Variants in TDRD12 observed in about 807,000 individuals in gnomAD.
TDRD12 encodes the protein putative ATP-dependent RNA helicase TDRD12.
TDRD12 carries 158 observed loss-of-function variants against 133.5 expected under a neutral mutation model. That is an observed-to-expected ratio of 1.18 (90% CI 1.04 to 1.35). The LOEUF (loss-of-function observed/expected upper bound fraction) is 1.35. TDRD12 is among the 40% of genes most tolerant of loss of function. The pLI is 0.00. For missense variants in TDRD12, 1,443 were observed against 1,321.3 expected, an observed-to-expected ratio of 1.09 and a Z score of -1.43; for synonymous variants, 460 against 477.9, an observed-to-expected ratio of 0.96 and a Z score of 0.49.
intron 16 of TDRD12, among the ~76,000 whole-genome samples, chr19:32,798,732 G>T (rs1192915598): frequency 2.0e-5 from 3 of 152,158 alleles, no homozygotes; most frequent in Non-Finnish European, 4.4e-5. Context: ...ATGGAGAAGA[G>T]CACTTGAAAA....
chr19:32,746,250 C>CTG (rs991083977), intron 4 of TDRD12, among the ~76,000 whole-genome samples: 2 of 119,870 alleles, frequency 1.7e-5, no homozygotes, highest in East Asian at 2.6e-4. Flanking sequence ...TGTGGTTATT[C>CTG]TGTGTGTGTG....
chr19:32,740,857 G>GT (rs1157885133), intron 3 of TDRD12, among the ~76,000 whole-genome samples: 1 of 152,214 alleles, frequency 6.6e-6, no homozygotes, highest in Non-Finnish European at 1.5e-5. Flanking sequence ...AGAATGAGCT[G>GT]TTGCCAAGAT....
chr19:32,820,483 T>A (rs569594388), intron 27 of TDRD12, among the ~76,000 whole-genome samples: 1 of 152,270 alleles, frequency 6.6e-6, no homozygotes, highest in East Asian at 1.9e-4. Context: ...CATTTAAAAA[T>A]TTTAAAATAA....
chr19:32,815,148 G>A (rs1256924921), intron 25 of TDRD12, among the ~76,000 whole-genome samples: 13 of 108,866 alleles, frequency 1.2e-4, no homozygotes, highest in African/African-American at 4.1e-4. Flanking sequence ...CTGACTAGGG[G>A]TTTATCCCAG....
At chr19:32,748,777 C>T (rs905854885) in intron 5 of TDRD12, among the ~76,000 whole-genome samples, 1 of 152,250 alleles carries the variant, frequency 6.6e-6, no homozygotes, top group African/African-American at 2.4e-5. Context: ...GGAACCCTTA[C>T]ACAGTAATAA....
chr19:32,744,604 T>G (rs2145491237), intron 4 of TDRD12, among the ~76,000 whole-genome samples: 1 of 152,142 alleles, frequency 6.6e-6, no homozygotes, highest in Middle Eastern at 3.4e-3. Flanking sequence ...ACCCCATCTT[T>G]GCTCCCTTTT....
At chr19:32,810,586 C>T (rs998170438) in intron 23 of TDRD12, among the ~76,000 whole-genome samples, 6 of 152,200 alleles carry the variant, frequency 3.9e-5, no homozygotes, top group Non-Finnish European at 7.3e-5. Flanking sequence ...AGAAAACAGC[C>T]TTGGCGATGT....
chr19:32,756,172 G>A, exon 7 of TDRD12: 1 of 1,418,620 alleles, frequency 7.0e-7, no homozygotes, highest in Non-Finnish European at 9.2e-7. Context: ...AGATGTTCAA[G>A]GAATGGAAGG....
intron 3 of TDRD12, among the ~76,000 whole-genome samples, chr19:32,739,713 GTA>G (rs1969345402): frequency 1.6e-5 from 2 of 127,444 alleles, no homozygotes; most frequent in Admixed American, 7.9e-5. Flanking sequence ...CATCTCCTGG[GTA>G]CTCTCTGCAT....
chr19:32,811,186 A>AACCG, intron 23 of TDRD12, 24 bp from the exon 24 acceptor site: 1 of 1,515,426 alleles, frequency 6.6e-7, no homozygotes, highest in Non-Finnish European at 8.9e-7. Flanking sequence ...CTCTGCGTTG[A>AACCG]ACCGATGCCC....
chr19:32,733,451 CAA>C, intron 2 of TDRD12, among the ~76,000 whole-genome samples: 1 of 141,546 alleles, frequency 7.1e-6, no homozygotes, highest in East Asian at 2.2e-4. Context: ...GCCTAGGCAA[CAA>C]GAGTGAAACT....
Position 32,781,081 on chromosome 19 carries a change from TACAGGCACCCACCA to T in TDRD12, c.1121+3853_1121+3866del, listed in dbSNP as rs758434488. Among the ~76,000 whole-genome samples, 39 of 152,050 alleles carry T rather than the reference TACAGGCACCCACCA, an allele frequency of 2.6e-4. No individual in the cohort carries two copies. In the East Asian group the frequency reaches 3.9e-3, roughly 15 times the overall value. On this transcript the variant is annotated intron_variant, in intron 11 of 27. Transcript: ENST00000444215. ...CCTCAGCCTCCCAAGTAGCTGGGGC[TACAGGCACCCACCA>T]TCACGCCTGGCTAATTTTTTTGTAT...
chr19:32,733,895 A>T (rs888384567), intron 2 of TDRD12, among the ~76,000 whole-genome samples: 2 of 142,414 alleles, frequency 1.4e-5, no homozygotes, highest in African/African-American at 5.1e-5. Context: ...TAATTAATTA[A>T]TTTTTTTTTT....
intron 3 of TDRD12, among the ~76,000 whole-genome samples, chr19:32,741,078 ATTTTG>A (rs1210200217): frequency 3.9e-5 from 6 of 152,026 alleles, no homozygotes; most frequent in Non-Finnish European, 7.4e-5. Context: ...AGAGGTGTCT[ATTTTG>A]TTTTGTTTTG....
At chr19:32,803,464 G>A (rs1234537753) in intron 21 of TDRD12, among the ~76,000 whole-genome samples, 1 of 152,176 alleles carries the variant, frequency 6.6e-6, no homozygotes, top group Admixed American at 6.5e-5. Flanking sequence ...ATAGCTCAGT[G>A]TTCTGTTGTA....
In TDRD12 at chr19:32,817,765, G is replaced by A. The variant is rs1018340959; in HGVS notation, c.3315-324G>A. 4.0e-5 allele frequency among the ~76,000 whole-genome samples: 6 copies of A among 150,794 alleles called. No individual in the cohort carries two copies. In the East Asian group the frequency reaches 5.8e-4, roughly 15 times the overall value. Reference sequence around the variant, plus strand: ...TTCTCCATGTCCTCTCCTTGACCCCGCCCGAGGTGCAAACTCCAGGTCTCT... The same window carrying A: ...TTCTCCATGTCCTCTCCTTGACCCCACCCGAGGTGCAAACTCCAGGTCTCT... On this transcript the variant is annotated intron_variant, in intron 26 of 27. Transcript: ENST00000444215.
At chr19:32,790,817 G>GTTT in intron 12 of TDRD12, 147 bp from the exon 13 acceptor site, 1 of 1,309,788 alleles carries the variant, frequency 7.6e-7, no homozygotes, top group African/African-American at 1.5e-5. Context: ...TAGTTTGGTG[G>GTTT]TTTTTTTTTT....
At chr19:32,810,365 T>C (rs1225057681) in intron 23 of TDRD12, 88 bp downstream of exon 23, 4 of 1,104,692 alleles carry the variant, frequency 3.6e-6, no homozygotes, top group East Asian at 5.2e-5. Flanking sequence ...TCTGTCCATT[T>C]GACTGAGTGT....
downstream of TDRD12, chr19:32,826,032 A>ATATG (rs386388890): frequency 1.4e-5 from 17 of 1,188,616 alleles, no homozygotes; most frequent in African/African-American, 1.8e-4. Flanking sequence ...GTATATATAT[A>ATATG]TGTGTGTACA....
Sources: gnomAD v4.1 joint callset for allele counts (sites outside exome capture counted in the v4.1 genomes callset) on GRCh38, gnomAD v4.1.1 for gene constraint, MANE v1.5 for transcripts, NCBI Gene and HGNC (gene_info 2026-07-23, HGNC 2026-07-21) for gene names.